The following HOOK3 variants were observed in gnomAD, a reference collection of about 807,000 sequenced individuals.
HOOK3 encodes the protein protein Hook homolog 3.
HOOK3 carries 24 observed loss-of-function variants against 116.3 expected under a neutral mutation model. That is an observed-to-expected ratio of 0.21 (90% CI 0.15 to 0.29). The LOEUF is 0.29. Among genes scored for constraint, HOOK3 ranks in the 10% least tolerant of loss-of-function variants. The pLI is 1.00. For missense variants in HOOK3, 632 were observed against 830.2 expected (o/e 0.76, Z 2.93); for synonymous variants, 275 against 283.0 (o/e 0.97, Z 0.28).
At position 42,930,108 on chromosome 8, in the gene HOOK3, C is replaced by G. The variant is rs765072681; in HGVS notation, c.217-14C>G. On this transcript the variant is annotated splice_polypyrimidine_tract_variant and intron_variant, in intron 3 of 21. Coordinates refer to ENST00000307602, the MANE Select transcript of HOOK3 (RefSeq NM_032410.4). ...CTTGCCTTTTACCCAGTTGTTTTCT[C>G]TCTCTTTAAACAGATAAGCAATTTA... 4.8e-5 allele frequency: 74 copies of G among 1,551,108 alleles called. No homozygotes were observed. Among genetic ancestry groups the G allele is most frequent in the Admixed American group, 2.3e-4 (11 of 48,216 alleles).
At chr8:42,958,830 C>T (rs573254485) in intron 7 of HOOK3, among the ~76,000 whole-genome samples, 17 of 151,406 alleles carry the variant, frequency 1.1e-4, no homozygotes, top group Non-Finnish European at 2.5e-4. Context: ...TTTAATATAA[C>T]GAAAACACTT....
intron 13 of HOOK3, among the ~76,000 whole-genome samples, chr8:42,977,886 CAAA>C (rs1427336138): frequency 6.6e-6 from 1 of 151,812 alleles, no homozygotes; most frequent in African/African-American, 2.4e-5. Flanking sequence ...AAAAAACAAA[CAAA>C]AAACAAAAAC....
rs575865765 is a variant in HOOK3, at chr8:42,951,827, G to C, written c.468+1372G>C. ...ATGGTGGCACATGCCTGTAGTCCCAGCTTCTCGGGAGGCTGAGGCAGGAAA... is the reference window on the plus strand; with the variant it reads ...ATGGTGGCACATGCCTGTAGTCCCACCTTCTCGGGAGGCTGAGGCAGGAAA... On this transcript the variant is annotated intron_variant, in intron 6 of 21. Coordinates refer to ENST00000307602, the MANE Select transcript of HOOK3 (RefSeq NM_032410.4). Among the ~76,000 whole-genome samples, 4 of 152,198 alleles carry C rather than the reference G, an allele frequency of 2.6e-5. No homozygotes were observed. In the South Asian group the frequency reaches 8.3e-4, roughly 32 times the overall value.
At chr8:42,907,212 T>C (rs1807327409) in intron 2 of HOOK3, among the ~76,000 whole-genome samples, 1 of 152,244 alleles carries the variant, frequency 6.6e-6, no homozygotes, top group East Asian at 1.9e-4. Context: ...TGGGTTGCCC[T>C]GCATTTCTGT....
At chr8:42,950,931 C>T (rs149790120) in intron 6 of HOOK3, among the ~76,000 whole-genome samples, 102 of 152,272 alleles carry the variant, frequency 6.7e-4, no homozygotes, top group African/African-American at 2.1e-3. Context: ...ATGATCTGCC[C>T]GCCTTGGCCT....
At chr8:42,927,352 G>A (rs1807788670) in intron 3 of HOOK3, among the ~76,000 whole-genome samples, 1 of 150,324 alleles carries the variant, frequency 6.7e-6, no homozygotes, top group African/African-American at 2.5e-5. Context: ...CGCCTCCCGA[G>A]TTCAAAAGAT....
chr8:42,905,911 C>A lies in HOOK3; in HGVS notation c.58-262C>A, dbSNP rs529337955. 2.0e-5 allele frequency among the ~76,000 whole-genome samples: 3 copies of A among 151,930 alleles called. No individual in the cohort carries two copies. The East Asian group carries it at 5.8e-4, about 29-fold the overall frequency. On this transcript the variant is annotated intron_variant, in intron 1 of 21. Coordinates refer to ENST00000307602, the MANE Select transcript of HOOK3 (RefSeq NM_032410.4). Reference sequence around the variant, plus strand: ...GACCAGCCTGGCCAACATAGTGAAACCCTGTATCTACTAAAGATACAGAAA... The same window carrying A: ...GACCAGCCTGGCCAACATAGTGAAAACCTGTATCTACTAAAGATACAGAAA...
At chr8:42,992,860 G>A (rs550059230) in intron 15 of HOOK3, among the ~76,000 whole-genome samples, 1 of 152,178 alleles carries the variant, frequency 6.6e-6, no homozygotes, top group Non-Finnish European at 1.5e-5. Context: ...GAATAACAGG[G>A]TGAAAGTGAG....
chr8:42,922,891 AAAAG>A (rs1022185905), intron 2 of HOOK3, among the ~76,000 whole-genome samples: 18 of 152,120 alleles, frequency 1.2e-4, no homozygotes, highest in Non-Finnish European at 2.2e-4. Context: ...AAAAAAAAAA[AAAAG>A]AAGGAAAGAA....
At chr8:42,996,709 GT>G (rs1809276162) in intron 15 of HOOK3, among the ~76,000 whole-genome samples, 1 of 151,980 alleles carries the variant, frequency 6.6e-6, no homozygotes, top group South Asian at 2.1e-4. Context: ...ACTCATAGAT[GT>G]TTTATTTATT....
chr8:42,989,180 G>T (rs1012144740), intron 15 of HOOK3, among the ~76,000 whole-genome samples: 1 of 152,222 alleles, frequency 6.6e-6, no homozygotes, highest in African/African-American at 2.4e-5. Context: ...CAGGAATTCT[G>T]TCAAAGTAGA....
chr8:42,955,370 G>A (rs960363998), intron 6 of HOOK3, among the ~76,000 whole-genome samples: 19 of 152,156 alleles, frequency 1.2e-4, no homozygotes, highest in East Asian at 1.9e-4. Flanking sequence ...CATCTATACC[G>A]TGGGATGACT....
intron 21 of HOOK3, 99 bp downstream of exon 21, chr8:43,013,499 T>A: frequency 1.1e-6 from 1 of 948,178 alleles, no homozygotes; most frequent in Non-Finnish European, 1.5e-6. Context: ...CAAATGAATC[T>A]GAAAGTAACT....
At chr8:42,990,105 T>C (rs150129750) in intron 15 of HOOK3, among the ~76,000 whole-genome samples, 5 of 152,024 alleles carry the variant, frequency 3.3e-5, no homozygotes, top group African/African-American at 1.2e-4. Flanking sequence ...CAAACTGTCC[T>C]TCCATGTCAG....
chr8:42,995,638 C>T (rs1809250053), intron 15 of HOOK3, among the ~76,000 whole-genome samples: 1 of 152,164 alleles, frequency 6.6e-6, no homozygotes, highest in Admixed American at 6.5e-5. Context: ...TCTGTATGTT[C>T]AACTCAGGCT....
At chr8:42,915,491 GTGCGATT>G (rs2130340170) in intron 2 of HOOK3, among the ~76,000 whole-genome samples, 1 of 152,222 alleles carries the variant, frequency 6.6e-6, no homozygotes, top group South Asian at 2.1e-4. Context: ...GAGAGCAATG[GTGCGATT>G]TCGGCTCACT....
chr8:42,978,059 G>A (rs941706691), intron 13 of HOOK3, among the ~76,000 whole-genome samples: 11 of 152,120 alleles, frequency 7.2e-5, no homozygotes, highest in Non-Finnish European at 7.3e-5. Flanking sequence ...TTTGTTCTGC[G>A]AAATGAGAAT....
intron 4 of HOOK3, among the ~76,000 whole-genome samples, chr8:42,939,735 TG>T (rs1400381147): frequency 7.5e-6 from 1 of 133,792 alleles, no homozygotes; most frequent in Non-Finnish European, 1.6e-5. Flanking sequence ...ACGGGGCGGC[TG>T]CCGGGCGGAG....
chr8:42,925,038 A>G (rs1807736268), intron 2 of HOOK3, among the ~76,000 whole-genome samples: 1 of 151,404 alleles, frequency 6.6e-6, no homozygotes, highest in African/African-American at 2.4e-5. Context: ...TGACTTCTAG[A>G]AAATCTGCAA....
Sources: allele counts gnomAD v4.1 joint callset (sites outside exome capture counted in the v4.1 genomes callset), GRCh38; gene constraint gnomAD v4.1.1; transcripts MANE v1.5; gene names NCBI Gene and HGNC (gene_info 2026-07-23, HGNC 2026-07-21).